Variants in RALYL observed in about 807,000 individuals in gnomAD.
RALYL encodes RALY RNA binding protein like, also known as RNA-binding Raly-like protein.
A neutral mutation model predicts 35.1 loss-of-function variants in RALYL; 29 were observed. That is an observed-to-expected ratio of 0.83 (90% CI 0.61 to 1.13). The LOEUF is 1.13. RALYL is among the 50% of genes most tolerant of loss of function. The pLI, the probability that RALYL is intolerant of heterozygous loss-of-function variation, is 0.00. For missense variants in RALYL, 359 were observed against 360.4 expected (o/e 1.00, Z 0.03); for synonymous variants, 120 against 127.6 (o/e 0.94, Z 0.40).
At chr8:84,254,488 C>T (rs1413131260) in intron 1 of RALYL, among the ~76,000 whole-genome samples, 1 of 151,920 alleles carries the variant, frequency 6.6e-6, no homozygotes, top group Non-Finnish European at 1.5e-5. Flanking sequence ...AACCCTTGTG[C>T]CTTTGACACT....
chr8:84,403,611 T>G (rs1418473169), intron 1 of RALYL, among the ~76,000 whole-genome samples: 1 of 143,954 alleles, frequency 6.9e-6, no homozygotes, highest in Non-Finnish European at 1.5e-5. Flanking sequence ...TGAAGTCAGG[T>G]AGCGTGATGC....
chr8:84,537,243 G>A (rs1225940822), intron 2 of RALYL, among the ~76,000 whole-genome samples: 1 of 151,288 alleles, frequency 6.6e-6, no homozygotes, highest in Non-Finnish European at 1.5e-5. Flanking sequence ...GCCGAGACAA[G>A]CTGATCGCTT....
intron 1 of RALYL, among the ~76,000 whole-genome samples, chr8:84,366,166 A>G (rs1050290086): frequency 1.3e-5 from 2 of 152,136 alleles, no homozygotes; most frequent in Admixed American, 1.3e-4. Context: ...GGAGGACCCT[A>G]CCTCTAATAA....
chr8:84,310,287 C>T (rs1308829518), intron 1 of RALYL, among the ~76,000 whole-genome samples: 3 of 151,932 alleles, frequency 2.0e-5, no homozygotes, highest in African/African-American at 7.3e-5. Context: ...GATCCACCTG[C>T]CTCAGCCTTC....
chr8:84,386,350 T>C (rs1007675241), intron 1 of RALYL, among the ~76,000 whole-genome samples: 2 of 151,830 alleles, frequency 1.3e-5, no homozygotes, highest in Non-Finnish European at 2.9e-5. Flanking sequence ...ACAAAGAATA[T>C]TGTTTAATTT....
intron 1 of RALYL, among the ~76,000 whole-genome samples, chr8:84,262,091 G>T (rs1832418838): frequency 6.6e-6 from 1 of 152,106 alleles, no homozygotes; most frequent in Non-Finnish European, 1.5e-5. Context: ...TCTGTTGATA[G>T]AAATTTGTAT....
intron 2 of RALYL, among the ~76,000 whole-genome samples, chr8:84,571,277 C>T (rs757206386): frequency 1.5e-4 from 22 of 151,428 alleles, no homozygotes; most frequent in Admixed American, 2.6e-4. Context: ...TTTTTATTAT[C>T]GATTCAATTT....
At chr8:84,911,622 A>C (rs367892396) in intron 8 of RALYL, among the ~76,000 whole-genome samples, 1 of 152,040 alleles carries the variant, frequency 6.6e-6, no homozygotes, top group Non-Finnish European at 1.5e-5. Flanking sequence ...ATCTATCTGG[A>C]GATAGCATCC....
chr8:84,412,944 A>G (rs1039392422), intron 1 of RALYL, among the ~76,000 whole-genome samples: 1 of 151,980 alleles, frequency 6.6e-6, no homozygotes, highest in African/African-American at 2.4e-5. Context: ...TTTGTGGAAG[A>G]TAGAAAGCAA....
At chr8:84,689,008 G>T (rs578169796) in intron 2 of RALYL, among the ~76,000 whole-genome samples, 4 of 150,796 alleles carry the variant, frequency 2.7e-5, no homozygotes, top group African/African-American at 9.7e-5. Context: ...AATCCAAACC[G>T]CAATAAGATA....
chr8:84,693,393 C>G (rs1838475834), intron 2 of RALYL, among the ~76,000 whole-genome samples: 1 of 151,826 alleles, frequency 6.6e-6, no homozygotes, highest in East Asian at 1.9e-4. Context: ...GGGAAAAGCC[C>G]ATTATAAAAC....
chr8:84,447,497 A>T (rs180740611), intron 1 of RALYL, among the ~76,000 whole-genome samples: 3 of 151,972 alleles, frequency 2.0e-5, no homozygotes, highest in Non-Finnish European at 4.4e-5. Flanking sequence ...TTTAACCTCT[A>T]CCTTATCCTA....
chr8:84,315,597 G>T (rs1447748676), intron 1 of RALYL, among the ~76,000 whole-genome samples: 1 of 152,030 alleles, frequency 6.6e-6, no homozygotes, highest in Non-Finnish European at 1.5e-5. Context: ...AATTTCGGAA[G>T]CATCCAACAT....
At chr8:84,901,314 C>G (rs567984248) in intron 8 of RALYL, among the ~76,000 whole-genome samples, 1 of 152,132 alleles carries the variant, frequency 6.6e-6, no homozygotes, top group African/African-American at 2.4e-5. Context: ...AAATCTCACA[C>G]ATTTTATTTG....
At chr8:84,537,324 G>T (rs6651347) in intron 2 of RALYL, among the ~76,000 whole-genome samples, 2,231 of 151,864 alleles carry the variant, frequency 0.015, 57 homozygotes, top group African/African-American at 0.051. Flanking sequence ...ACAAAAATTA[G>T]CTGGGCTTGG....
At chr8:84,242,095 A>C (rs1828052175) in intron 1 of RALYL, among the ~76,000 whole-genome samples, 1 of 152,188 alleles carries the variant, frequency 6.6e-6, no homozygotes, top group African/African-American at 2.4e-5. Flanking sequence ...AAGTGAGAAC[A>C]TACAGTGTTT....
intron 1 of RALYL, among the ~76,000 whole-genome samples, chr8:84,370,742 G>A (rs559284311): frequency 2.2e-4 from 33 of 152,014 alleles, no homozygotes; most frequent in African/African-American, 5.5e-4. Context: ...TTTTCAGGTC[G>A]TATAAATGTG....
intron 8 of RALYL, among the ~76,000 whole-genome samples, chr8:84,918,775 T>C (rs766836927): frequency 6.6e-6 from 1 of 152,126 alleles, no homozygotes; most frequent in Non-Finnish European, 1.5e-5. Context: ...CTTGTAACCA[T>C]GTGGTTAATA....
At chr8:84,520,814 T>A (rs1464610237) in intron 1 of RALYL, among the ~76,000 whole-genome samples, 2 of 152,164 alleles carry the variant, frequency 1.3e-5, no homozygotes, top group Non-Finnish European at 2.9e-5. Flanking sequence ...CACCTCACCA[T>A]CTCTCACCCT....
Sources: gnomAD v4.1 joint callset for allele counts (sites outside exome capture counted in the v4.1 genomes callset) on GRCh38, gnomAD v4.1.1 for gene constraint, MANE v1.5 for transcripts, NCBI Gene and HGNC (gene_info 2026-07-23, HGNC 2026-07-21) for gene names.